The following MAGI1 variants were observed in gnomAD, a reference collection of about 807,000 sequenced individuals.
The protein encoded by MAGI1 is membrane-associated guanylate kinase, WW and PDZ domain-containing protein 1.
MAGI1 carries 58 observed loss-of-function variants against 139.9 expected under a neutral mutation model. The ratio of observed to expected loss-of-function variants is 0.41; its 90% confidence interval spans 0.34 to 0.52. The LOEUF (loss-of-function observed/expected upper bound fraction) is 0.52. Among genes scored for constraint, MAGI1 ranks in the 20% least tolerant of loss-of-function variants. The probability of loss-of-function intolerance (pLI) is 0.12; values close to 1 mark genes in which losing one functional copy is unlikely to be tolerated. For synonymous variants in MAGI1, 812 were observed against 737.9 expected (o/e 1.10, Z -1.63); for missense variants, 1,874 against 1,901.6 (o/e 0.99, Z 0.27).
At chr3:65,967,416 C>A (rs1456546100) in intron 1 of MAGI1, among the ~76,000 whole-genome samples, 3 of 152,150 alleles carry the variant, frequency 2.0e-5, no homozygotes, top group Non-Finnish European at 4.4e-5. Flanking sequence ...AAGGTTACGC[C>A]AATAATGTCA....
At chr3:65,364,146 C>G (rs899149574) in intron 20 of MAGI1, among the ~76,000 whole-genome samples, 1 of 123,990 alleles carries the variant, frequency 8.1e-6, no homozygotes, top group Non-Finnish European at 1.6e-5. Context: ...CTGGGCAGCA[C>G]AGTGAGACCC....
chr3:65,913,799 G>A lies in MAGI1; in HGVS notation c.313+124197C>T, dbSNP rs140144495. 1.1e-3 allele frequency among the ~76,000 whole-genome samples: 168 copies of A among 152,296 alleles called. 2 individuals are homozygous for A. The highest frequency in any genetic ancestry group is 4.0e-3 in the African/African-American group (165 of 41,552). ...AAATACAGGGAGGAGAAATTCCTTC[G>A]GAACATATCGTATTTTTTGAAGGCA... On this transcript the variant is annotated intron_variant, in intron 1 of 22. Transcript: ENST00000402939.
intron 1 of MAGI1, chr3:65,954,341 G>A (rs1262697878): frequency 1.3e-5 from 2 of 152,518 alleles, no homozygotes; most frequent in Admixed American, 6.5e-5. Context: ...CCAGGGCCTA[G>A]GCAGCAGGCC....
chr3:65,582,010 G>A (rs1471167093), intron 2 of MAGI1, among the ~76,000 whole-genome samples: 1 of 152,126 alleles, frequency 6.6e-6, no homozygotes, highest in Non-Finnish European at 1.5e-5. Context: ...CATTGCACTA[G>A]CCCCTGTGGT....
intron 1 of MAGI1, among the ~76,000 whole-genome samples, chr3:65,772,153 G>A (rs1032502780): frequency 2.0e-5 from 3 of 152,038 alleles, no homozygotes; most frequent in Admixed American, 2.0e-4. Flanking sequence ...CTGAGATCAT[G>A]CCACTGCACT....
rs2087513303 is a variant in MAGI1 at position 65,680,575 on chromosome 3, T to G, written c.314-58487A>C. 2.0e-5 allele frequency among the ~76,000 whole-genome samples: 3 copies of G among 152,088 alleles called. No individual in the cohort carries two copies. The South Asian group carries it at 6.3e-4, about 32-fold the overall frequency. ...GACTACAAGCACACACCACCGCACCTGGTTAATTTTTCTTTTCTAATTTTT... is the reference window on the plus strand; with the variant it reads ...GACTACAAGCACACACCACCGCACCGGGTTAATTTTTCTTTTCTAATTTTT... On this transcript the variant is annotated intron_variant, in intron 1 of 22. Transcript: ENST00000402939.
intron 2 of MAGI1, among the ~76,000 whole-genome samples, chr3:65,544,617 C>G (rs1006371336): frequency 2.0e-5 from 3 of 152,110 alleles, no homozygotes; most frequent in Non-Finnish European, 2.9e-5. Context: ...CTCATACCAG[C>G]CAGAATGGGA....
At chr3:65,694,414 G>C (rs970886783) in intron 1 of MAGI1, among the ~76,000 whole-genome samples, 3 of 151,142 alleles carry the variant, frequency 2.0e-5, no homozygotes, top group Non-Finnish European at 4.4e-5. Context: ...AATGTGCTTT[G>C]GAATATGCCT....
intron 1 of MAGI1, among the ~76,000 whole-genome samples, chr3:66,005,836 T>G (rs981619283): frequency 2.0e-5 from 3 of 150,312 alleles, no homozygotes. Context: ...GATGGAATGA[T>G]GACAAATAAA....
At chr3:65,431,001 T>C (rs1947412018) in intron 10 of MAGI1, 120 bp from the exon 11 acceptor site, 2 of 910,570 alleles carry the variant, frequency 2.2e-6, no homozygotes, top group Non-Finnish European at 3.3e-6. Flanking sequence ...TTTGGGCATA[T>C]AGCATCTTAA....
At chr3:65,602,575 G>A (rs1169142015) in intron 2 of MAGI1, among the ~76,000 whole-genome samples, 2 of 152,014 alleles carry the variant, frequency 1.3e-5, no homozygotes, top group African/African-American at 2.4e-5. Flanking sequence ...AATGCATATA[G>A]GGTTTCTTTC....
intron 1 of MAGI1, among the ~76,000 whole-genome samples, chr3:65,756,870 C>A (rs2036604556): frequency 6.6e-6 from 1 of 152,182 alleles, no homozygotes; most frequent in Non-Finnish European, 1.5e-5. Context: ...CACTTTATTA[C>A]CTATCCCTGA....
At chr3:65,910,642 T>C (rs2061620058) in intron 1 of MAGI1, among the ~76,000 whole-genome samples, 1 of 152,038 alleles carries the variant, frequency 6.6e-6, no homozygotes, top group African/African-American at 2.4e-5. Flanking sequence ...AAGAACTACT[T>C]ACTTAAAACA....
intron 1 of MAGI1, among the ~76,000 whole-genome samples, chr3:65,862,466 C>T (rs1197750405): frequency 6.6e-6 from 1 of 152,166 alleles, no homozygotes; most frequent in East Asian, 1.9e-4. Context: ...AGCATCATCA[C>T]AATTAATTTG....
chr3:65,940,502 T>C (rs911988629), intron 1 of MAGI1, among the ~76,000 whole-genome samples: 9 of 152,172 alleles, frequency 5.9e-5, no homozygotes, highest in African/African-American at 2.2e-4. Flanking sequence ...GTCTGTTTTA[T>C]AAGAGCACTA....
intron 21 of MAGI1, among the ~76,000 whole-genome samples, chr3:65,362,355 A>G (rs1298495628): frequency 6.6e-6 from 1 of 152,218 alleles, no homozygotes; most frequent in Non-Finnish European, 1.5e-5. Flanking sequence ...AGTAATTTAA[A>G]GTAATTAACT....
intron 1 of MAGI1, among the ~76,000 whole-genome samples, chr3:65,985,076 T>G (rs2065811298): frequency 6.6e-6 from 1 of 152,184 alleles, no homozygotes; most frequent in African/African-American, 2.4e-5. Context: ...GTTTCCTCAT[T>G]TACTGAGCAT....
intron 6 of MAGI1, among the ~76,000 whole-genome samples, chr3:65,450,125 G>A (rs1214252896): frequency 6.6e-6 from 1 of 152,170 alleles, no homozygotes; most frequent in Non-Finnish European, 1.5e-5. Context: ...ACTCAATGAG[G>A]ACTAGTGGGG....
rs939853602 is a variant in MAGI1, at chr3:65,470,296, C to T, written c.946G>A (p.Val316Ile). The T allele has an allele frequency of 1.9e-6, 3 of 1,602,120 alleles. No individual in the cohort carries two copies. The highest frequency in any genetic ancestry group is 1.3e-5 in the African/African-American group (1 of 74,638). Residue 316 changes from valine to isoleucine, a missense_variant, in exon 5 of 23, where the codon GTC (valine) becomes ATC (isoleucine). Physicochemically the swap from Val to Ile is conservative, Grantham distance 29 (BLOSUM62 3). Around this residue, in one of 5 missense-constraint regions of MAGI1, gnomAD observed 648 missense variants for 598.1 expected, o/e 1.08. Coordinates refer to ENST00000402939, the MANE Select transcript of MAGI1 (RefSeq NM_001033057.2). ...WEMAYTENGE[V>I]YFIDHNTKTT... ...GGTATACTTTACTCTATAAAATAGA[C>T]TTCTCCATTTTCAGTATAGGCCATC...
Sources: gnomAD v4.1 joint callset for allele counts (sites outside exome capture counted in the v4.1 genomes callset) on GRCh38, gnomAD v4.1.1 for gene constraint, gnomAD v4.1.1 regional missense constraint, MANE v1.5 for transcripts, NCBI Gene and HGNC (gene_info 2026-07-23, HGNC 2026-07-21) for gene names.